The following SH2D3A variants were observed in gnomAD, a reference collection of about 807,000 sequenced individuals.
SH2D3A encodes SH2 domain-containing protein 3A.
SH2D3A carries 46 observed loss-of-function variants against 50.6 expected under a neutral mutation model. That is an observed-to-expected ratio of 0.91 (90% CI 0.72 to 1.16). SH2D3A has a LOEUF of 1.16. Among genes scored for constraint, SH2D3A ranks in the 50% most tolerant of loss-of-function variants. The pLI is 0.00. For missense variants in SH2D3A, 783 were observed against 786.2 expected (o/e 1.00, Z 0.05); for synonymous variants, 377 against 348.4 (o/e 1.08, Z -0.91).
rs761547112 is a variant in SH2D3A, at chr19:6,760,902, C to T, written c.155G>A (p.Arg52His). ...AAAATGGAGGGCTGAGCCCCGCCAG[C>T]GGCAGGAGATCACGGGGTTGCCCCC... ...SRGGNPVISC[R>H]WRGSALHFEV... Residue 52 changes from arginine to histidine, a missense_variant, in exon 3 of 10, where the codon CGC becomes CAC. By Grantham distance (29) the Arg-to-His change is conservative. Coordinates refer to ENST00000245908, the MANE Select transcript of SH2D3A (RefSeq NM_005490.3). 9 of 1,614,190 alleles carry T rather than the reference C, an allele frequency of 5.6e-6. No homozygotes were observed. In the East Asian group the frequency reaches 8.9e-5, roughly 16 times the overall value.
rs1198546022 is a variant in SH2D3A at position 6,766,793 on chromosome 19, C to T, written c.-69+594G>A. 3.9e-5 allele frequency among the ~76,000 whole-genome samples: 6 copies of T among 152,196 alleles called. No homozygotes were observed. The East Asian group carries it at 1.2e-3, about 29-fold the overall frequency. On this transcript the variant is annotated intron_variant, in intron 1 of 9. Coordinates refer to ENST00000245908, the MANE Select transcript of SH2D3A (RefSeq NM_005490.3). ...AAGAGTTATCAATGAAAGTGATAAG[C>T]CAGGGAGATGTGATAGAGGAGGCTG...
At chr19:6,757,098 C>T (rs976206174) in intron 4 of SH2D3A, among the ~76,000 whole-genome samples, 1 of 151,956 alleles carries the variant, frequency 6.6e-6, no homozygotes, top group African/African-American at 2.4e-5. Context: ...ATCTCTTGAC[C>T]TCGTGATCCG....
rs1214296657 is a variant in SH2D3A at position 6,763,604 on chromosome 19, A to G, written c.69+76T>C. The G allele has an allele frequency of 4.3e-5, 61 of 1,422,426 alleles. No homozygotes were observed. In the South Asian group the frequency reaches 7.3e-4, roughly 17 times the overall value. The allele number at this position is 1,422,426 out of a possible 1,614,324, so 88.1% of individuals were successfully genotyped here. A position where few individuals can be genotyped will look rare whatever the true frequency, so the allele number is the denominator to read the frequency against. Reference sequence around the variant, plus strand: ...GACCTTGGCACTAAGTCCCTCATCCAGGGACCCAGGAATCCTCAGCAAGGG... The same window carrying G: ...GACCTTGGCACTAAGTCCCTCATCCGGGGACCCAGGAATCCTCAGCAAGGG... On this transcript the variant is annotated intron_variant, in intron 2 of 9. Coordinates refer to ENST00000245908, the MANE Select transcript of SH2D3A (RefSeq NM_005490.3).
chr19:6,760,614 A>C, intron 3 of SH2D3A, 24 bp downstream of exon 3: 1 of 1,508,188 alleles, frequency 6.6e-7, no homozygotes, highest in Non-Finnish European at 8.9e-7. Flanking sequence ...GGTGTTCTCA[A>C]GGAGGCAGGG....
At chr19:6,759,748 C>A in intron 3 of SH2D3A, 78 bp from the exon 4 acceptor site, 6 of 1,430,168 alleles carry the variant, frequency 4.2e-6, no homozygotes, top group Non-Finnish European at 5.8e-6. Flanking sequence ...AACCCTGTGT[C>A]CAGTTACTCT....
rs1215141093 is a variant in SH2D3A at position 6,754,903 on chromosome 19, A to T, written c.909T>A (p.His303Gln). ...QNRPLEPQVLHTLRGLFLEHH... is the reference protein window; with the variant it reads ...QNRPLEPQVLQTLRGLFLEHH... The stretch of plus-strand genomic sequence containing the variant: ...GCTCCAGGAACAGGCCACGGAGGGT[A>T]TGCAGGACTTGGGGTTCCAGGGGCC... Residue 303 changes from histidine (H) to glutamine (Q), a missense_variant, in exon 5 of 10, where the codon CAT (histidine) becomes CAA (glutamine). By Grantham distance (24) the His-to-Gln change is conservative. Transcript: ENST00000245908. 49 of 1,609,074 alleles carry T rather than the reference A, an allele frequency of 3.0e-5. No homozygotes were observed. In the Admixed American group the frequency reaches 8.0e-4, roughly 26 times the overall value.
chr19:6,757,989 T>TG, intron 4 of SH2D3A: 2 of 152,086 alleles, frequency 1.3e-5, no homozygotes, highest in African/African-American at 4.8e-5. Context: ...GCAATATACA[T>TG]CTCCATCTTT....
chr19:6,761,021 G>T, intron 2 of SH2D3A, 34 bp from the exon 3 acceptor site: 1 of 1,542,880 alleles, frequency 6.5e-7, no homozygotes. Context: ...GGGGAATTAG[G>T]AATGAGTCCA....
intron 4 of SH2D3A, among the ~76,000 whole-genome samples, chr19:6,756,961 C>G (rs1969717595): frequency 6.6e-6 from 1 of 152,076 alleles, no homozygotes; most frequent in South Asian, 2.1e-4. Context: ...ACCTCTGCCT[C>G]CCGGGTTCAA....
chr19:6,756,282 GATAAT>G (rs939891299), intron 4 of SH2D3A, among the ~76,000 whole-genome samples: 11 of 149,356 alleles, frequency 7.4e-5, no homozygotes, highest in East Asian at 5.9e-4. Context: ...CTTTTTTTGT[GATAAT>G]ATATCTCTCC....
intron 4 of SH2D3A, chr19:6,759,216 C>T (rs1969870593): frequency 5.2e-6 from 1 of 190,658 alleles, no homozygotes; most frequent in South Asian, 8.4e-5. Context: ...CAGGTTCAAG[C>T]GATTCTCCTG....
Position 6,756,751 on chromosome 19 carries a change from T to G in SH2D3A, c.497-1436A>C, listed in dbSNP as rs545154017. Among the ~76,000 whole-genome samples the G allele has an allele frequency of 3.3e-5, 5 of 152,260 alleles. No individual in the cohort carries two copies. In the East Asian group the frequency reaches 9.6e-4, roughly 29 times the overall value. ...GAGTTAAGGTCCAAAGTGCTCACAG[T>G]AGCTGAAAAATCCTCACAATCTGAG... is the stretch of plus-strand genomic sequence containing the variant. On this transcript the variant is annotated intron_variant, in intron 4 of 9. Transcript: ENST00000245908.
chr19:6,753,264 C>G (rs1415490561), intron 9 of SH2D3A, 192 bp downstream of exon 9: 1 of 985,266 alleles, frequency 1.0e-6, no homozygotes, highest in African/African-American at 1.7e-5. Flanking sequence ...CGGCCCTGTT[C>G]CTATCAATAC....
Position 6,754,627 on chromosome 19 carries a change from T to A in SH2D3A, c.1086A>T (p.Glu362Asp). The A allele has an allele frequency of 6.2e-7, 1 of 1,614,164 alleles. No homozygotes were observed. Among genetic ancestry groups the A allele is most frequent in the Non-Finnish European group, 8.5e-7 (1 of 1,180,020 alleles). ...AGCTGCTGGCTCACCTCTCCAGCAGTTCCAACCTCAAGTGGTGTCCATGGG... is the reference window on the plus strand; with the variant it reads ...AGCTGCTGGCTCACCTCTCCAGCAGATCCAACCTCAAGTGGTGTCCATGGG... ...TLPHGHHLRLELLERHQTLAL... is the reference protein window; with the variant it reads ...TLPHGHHLRLDLLERHQTLAL... The change falls in exon 6 of 10, where the codon GAA (glutamate) becomes GAT (aspartate). Residue 362 changes from glutamate to aspartate, a missense_variant. Coordinates refer to ENST00000245908, the MANE Select transcript of SH2D3A (RefSeq NM_005490.3).
rs55670461 is a variant in SH2D3A at position 6,764,872 on chromosome 19, A to ATTTT, written c.-68-1060_-68-1057dup. ...GAGCGTGGGCCACTGTACCTGGCTA[A>ATTTT]TTTTTTTTTTTTTTTTTTTTTTTGA... On this transcript the variant is annotated intron_variant, in intron 1 of 9. Coordinates refer to ENST00000245908, the MANE Select transcript of SH2D3A (RefSeq NM_005490.3). Among the ~76,000 whole-genome samples the ATTTT allele has an allele frequency of 9.8e-4, 101 of 103,100 alleles. 2 individuals are homozygous for ATTTT. Among genetic ancestry groups the ATTTT allele is most frequent in the African/African-American group, 3.3e-3 (77 of 23,324 alleles). 67.6% of individuals were successfully genotyped at this position (103,100 alleles called of 152,430 possible).
At chr19:6,753,143 G>A in intron 9 of SH2D3A, 1 of 985,380 alleles carries the variant, frequency 1.0e-6, no homozygotes, top group Non-Finnish European at 1.2e-6. Context: ...GAGGGAGCAG[G>A]GCGTTCTTGG....
At chr19:6,756,185 A>G (rs560833571) in intron 4 of SH2D3A, among the ~76,000 whole-genome samples, 1 of 148,248 alleles carries the variant, frequency 6.7e-6, no homozygotes, top group African/African-American at 2.4e-5. Context: ...TAAATTAAGT[A>G]TATGTTAAAT....
intron 2 of SH2D3A, 87 bp downstream of exon 2, chr19:6,763,593 G>T (rs1970146071): frequency 7.8e-7 from 1 of 1,286,806 alleles, no homozygotes; most frequent in Non-Finnish European, 1.1e-6. Context: ...TTGGCACTAA[G>T]TCCCTCATCC....
chr19:6,763,761 A>G lies in SH2D3A; in HGVS notation c.-13T>C, dbSNP rs1354197969. 1 of 1,611,942 alleles carries G rather than the reference A, an allele frequency of 6.2e-7. No homozygotes were observed. Among genetic ancestry groups the G allele is most frequent in the East Asian group, 2.2e-5 (1 of 44,814 alleles). ...GTGGCACCTGCATGGAGCTCTTGGG[A>G]ACAGAGGGTGCCAGGGCTGAGCTCT... is the stretch of plus-strand genomic sequence containing the variant. On this transcript the variant is annotated 5_prime_UTR_variant, in exon 2 of 10. Transcript: ENST00000245908.
Sources: gnomAD v4.1 joint callset for allele counts (sites outside exome capture counted in the v4.1 genomes callset) on GRCh38, gnomAD v4.1.1 for gene constraint, MANE v1.5 for transcripts, NCBI Gene and HGNC (gene_info 2026-07-23, HGNC 2026-07-21) for gene names.